Variants in DLG2 observed in about 807,000 individuals in gnomAD.
The protein encoded by DLG2 is discs large MAGUK scaffold protein 2, also known as disks large homolog 2.
In DLG2, 45 loss-of-function variants were observed where a neutral mutation model predicts 132.5. The observed-to-expected ratio is 0.34, with a 90% CI of 0.27 to 0.44. The LOEUF (loss-of-function observed/expected upper bound fraction) is 0.44. Ranked by LOEUF, DLG2 falls within the 20% of genes least tolerant of loss-of-function variation. The pLI, the probability that DLG2 is intolerant of heterozygous loss-of-function variation, is 1.00. For synonymous variants in DLG2, 424 were observed against 419.6 expected (o/e 1.01, Z -0.13); for missense variants, 1,045 against 1,196.9 (o/e 0.87, Z 1.87).
intron 10 of DLG2, among the ~76,000 whole-genome samples, chr11:84,076,758 C>A (rs1369784869): frequency 6.6e-6 from 1 of 152,196 alleles, no homozygotes; most frequent in Non-Finnish European, 1.5e-5. Flanking sequence ...CCACACTTCG[C>A]CCTGCTCAGC....
At chr11:83,952,591 T>C (rs1432746105) in intron 14 of DLG2, among the ~76,000 whole-genome samples, 1 of 152,226 alleles carries the variant, frequency 6.6e-6, no homozygotes, top group Non-Finnish European at 1.5e-5. Context: ...ATGTAAATTA[T>C]GGTTCAGTTA....
intron 17 of DLG2, among the ~76,000 whole-genome samples, chr11:83,809,235 C>A (rs2046668100): frequency 6.6e-6 from 1 of 152,164 alleles, no homozygotes; most frequent in Non-Finnish European, 1.5e-5. Context: ...ACCATCAATA[C>A]AACTAAAACA....
chr11:83,961,484 A>G (rs761021747), intron 14 of DLG2, among the ~76,000 whole-genome samples: 1 of 152,038 alleles, frequency 6.6e-6, no homozygotes, highest in Non-Finnish European at 1.5e-5. Flanking sequence ...AAGCTATGTG[A>G]CCATAAGCAA....
intron 6 of DLG2, among the ~76,000 whole-genome samples, chr11:84,866,058 A>C (rs973956613): frequency 6.6e-6 from 1 of 152,236 alleles, no homozygotes; most frequent in African/African-American, 2.4e-5. Context: ...GGAATGATTA[A>C]GCAAGATACC....
chr11:85,349,655 TG>T (rs1238459595), intron 3 of DLG2, among the ~76,000 whole-genome samples: 2 of 152,140 alleles, frequency 1.3e-5, no homozygotes, highest in Non-Finnish European at 2.9e-5. Flanking sequence ...AGTGATAACA[TG>T]CAGTGTTTGG....
chr11:85,483,098 T>C (rs193164800), intron 3 of DLG2, among the ~76,000 whole-genome samples: 1 of 152,134 alleles, frequency 6.6e-6, no homozygotes, highest in Non-Finnish European at 1.5e-5. Context: ...GATACAGGCC[T>C]CCAGTCAGAT....
chr11:85,250,715 G>C (rs1242020116), intron 4 of DLG2, among the ~76,000 whole-genome samples: 1 of 152,116 alleles, frequency 6.6e-6, no homozygotes. Flanking sequence ...ATAATTCAAT[G>C]TGAGAAGAGC....
intron 6 of DLG2, among the ~76,000 whole-genome samples, chr11:84,537,526 G>C (rs1170695962): frequency 1.3e-5 from 2 of 152,020 alleles, no homozygotes; most frequent in Non-Finnish European, 2.9e-5. Context: ...ATAAAATTTT[G>C]ACCATTTTAA....
intron 21 of DLG2, among the ~76,000 whole-genome samples, chr11:83,512,417 G>A (rs559979305): frequency 1.2e-4 from 19 of 152,122 alleles, no homozygotes; most frequent in Non-Finnish European, 2.6e-4. Flanking sequence ...AGCAATAAAC[G>A]AGTAATACAA....
intron 8 of DLG2, among the ~76,000 whole-genome samples, chr11:84,236,916 T>C (rs965303996): frequency 1.3e-5 from 2 of 150,542 alleles, no homozygotes; most frequent in African/African-American, 4.9e-5. Flanking sequence ...GGTTGAAGCA[T>C]CAGTATGTTT....
intron 7 of DLG2, among the ~76,000 whole-genome samples, chr11:84,448,988 C>T (rs1224363486): frequency 1.3e-5 from 2 of 151,870 alleles, no homozygotes; most frequent in Non-Finnish European, 2.9e-5. Flanking sequence ...TATACAGAGA[C>T]CTATCTAGCA....
At chr11:83,510,835 T>G (rs1039959993) in intron 21 of DLG2, among the ~76,000 whole-genome samples, 4 of 144,422 alleles carry the variant, frequency 2.8e-5, no homozygotes, top group Non-Finnish European at 6.2e-5. Context: ...CATCCGTTTT[T>G]TTTTTTTTTT....
chr11:83,973,998 C>T (rs1335775382), intron 12 of DLG2, among the ~76,000 whole-genome samples: 2 of 152,010 alleles, frequency 1.3e-5, no homozygotes, highest in Admixed American at 1.3e-4. Context: ...ATAAGAATAA[C>T]AGTAATGACT....
At chr11:83,782,170 G>A (rs901863014) in intron 18 of DLG2, among the ~76,000 whole-genome samples, 2 of 152,110 alleles carry the variant, frequency 1.3e-5, no homozygotes, top group Non-Finnish European at 2.9e-5. Context: ...CCAAACCAGG[G>A]ATTCAATTAC....
chr11:85,324,268 G>A (rs1287459631), intron 3 of DLG2, among the ~76,000 whole-genome samples: 1 of 152,024 alleles, frequency 6.6e-6, no homozygotes, highest in Non-Finnish European at 1.5e-5. Context: ...AGTGATGCCA[G>A]GATATTTTTT....
chr11:85,484,162 G>GCC (rs888401043), intron 3 of DLG2, among the ~76,000 whole-genome samples: 12 of 151,876 alleles, frequency 7.9e-5, no homozygotes, highest in Non-Finnish European at 1.6e-4. Context: ...CGCGCAGTCC[G>GCC]CCCGGAGGAT....
intron 6 of DLG2, among the ~76,000 whole-genome samples, chr11:84,723,428 T>C (rs1196654670): frequency 6.6e-6 from 1 of 152,192 alleles, no homozygotes; most frequent in African/African-American, 2.4e-5. Context: ...AGTTCATTTC[T>C]CTGTATGTGC....
intron 4 of DLG2, among the ~76,000 whole-genome samples, chr11:85,271,390 T>C (rs2077518771): frequency 6.6e-6 from 1 of 152,232 alleles, no homozygotes; most frequent in Admixed American, 6.5e-5. Flanking sequence ...GAACCTCTGT[T>C]AGGGCAGTGC....
rs1466523453 is a variant in DLG2, at chr11:84,286,922, T to G, written c.520-35631A>C. On this transcript the variant is annotated intron_variant, in intron 7 of 27. Coordinates refer to ENST00000376104, the MANE Select transcript of DLG2 (RefSeq NM_001142699.3). ...TAGTTAAGCGTACATGATCTGGAGGTCAACTTTCCAGATTAGAATCCTAAC... is the reference window on the plus strand; with the variant it reads ...TAGTTAAGCGTACATGATCTGGAGGGCAACTTTCCAGATTAGAATCCTAAC... Among the ~76,000 whole-genome samples the G allele has an allele frequency of 3.3e-5, 5 of 152,102 alleles. 1 individual carries two copies. In the South Asian group the frequency reaches 1.0e-3, roughly 32 times the overall value.
Sources: gnomAD v4.1 joint callset for allele counts (sites outside exome capture counted in the v4.1 genomes callset) on GRCh38, gnomAD v4.1.1 for gene constraint, MANE v1.5 for transcripts, NCBI Gene and HGNC (gene_info 2026-07-23, HGNC 2026-07-21) for gene names.